Variants in NECTIN2 observed in about 807,000 individuals in gnomAD.
The protein encoded by NECTIN2 is nectin-2.
Under a neutral mutation model 56.9 loss-of-function variants are expected in NECTIN2, and 23 were observed. The observed-to-expected ratio is 0.40, with a 90% CI of 0.29 to 0.57. The LOEUF (loss-of-function observed/expected upper bound fraction) is 0.57. Among genes scored for constraint, NECTIN2 ranks in the 20% least tolerant of loss-of-function variants. The pLI is 0.38. For missense variants in NECTIN2, 587 were observed against 718.3 expected, an observed-to-expected ratio of 0.82 and a Z score of 2.09; for synonymous variants, 302 against 313.8, an observed-to-expected ratio of 0.96 and a Z score of 0.40.
chr19:44,886,829 C>T (rs1969366728), intron 8 of NECTIN2, among the ~76,000 whole-genome samples: 2 of 151,640 alleles, frequency 1.3e-5, no homozygotes, highest in African/African-American at 4.8e-5. Context: ...CCCCTTGAGC[C>T]TAGGAGCTCG....
In NECTIN2 at chr19:44,874,361, G is replaced by A; in HGVS notation, c.925G>A (p.Ala309Thr). ...TSGTFPTSAVAQGSQLVIHAV... is the reference protein window; with the variant it reads ...TSGTFPTSAVTQGSQLVIHAV... Reference sequence around the variant, plus strand: ...AGGCACCTTCCCGACCTCCGCAGTGGCCCAGGGCTCCCAGCTGGTCATCCA... The same window carrying A: ...AGGCACCTTCCCGACCTCCGCAGTGACCCAGGGCTCCCAGCTGGTCATCCA... Residue 309 changes from alanine (A) to threonine (T), a missense_variant, in exon 5 of 9, where the codon GCC (alanine) becomes ACC (threonine). Coordinates refer to ENST00000252483, the MANE Select transcript of NECTIN2 (RefSeq NM_001042724.2). This position sits in a 1 kb window ranked among gnomAD's most constrained non-coding sequence, Gnocchi z 6.3. 2 of 1,614,122 alleles carry A rather than the reference G, an allele frequency of 1.2e-6. No individual in the cohort carries two copies. Among genetic ancestry groups the A allele is most frequent in the South Asian group, 1.1e-5 (1 of 91,084 alleles).
rs1322585094 is a variant in NECTIN2, at chr19:44,875,510, C to T, written c.1042+1032C>T. The stretch of plus-strand genomic sequence containing the variant: ...CGAACTGCTGACCTCAGGTGATCCA[C>T]CCGCCTCGGCCTCACGAAGTGCTGG... On this transcript the variant is annotated intron_variant, in intron 5 of 8. Coordinates refer to ENST00000252483, the MANE Select transcript of NECTIN2 (RefSeq NM_001042724.2). The surrounding 1 kb of genome is among the most constrained non-coding windows in gnomAD (Gnocchi z 4.2). 1.3e-5 allele frequency among the ~76,000 whole-genome samples: 2 copies of T among 152,202 alleles called. No homozygotes were observed. Among genetic ancestry groups the T allele is most frequent in the African/African-American group, 2.4e-5 (1 of 41,444 alleles).
Position 44,865,350 on chromosome 19 carries a change from G to A in NECTIN2, c.168G>A (p.Leu56=), listed in dbSNP as rs762545238. The part of the protein sequence containing the change: ...LGGTVELPCH[L]LPPVPGLYIS... The stretch of plus-strand genomic sequence containing the variant: ...GCACCGTGGAGCTGCCGTGCCACCT[G>A]CTGCCACCTGTTCCTGGACTGTACA... The change falls in exon 2 of 9, where the codon CTG becomes CTA. Residue 56 remains leucine (L), a synonymous_variant. Coordinates refer to ENST00000252483, the MANE Select transcript of NECTIN2 (RefSeq NM_001042724.2). This position sits in a 1 kb window ranked among gnomAD's most constrained non-coding sequence, Gnocchi z 5.2. 6.8e-6 allele frequency: 11 copies of A among 1,614,124 alleles called. No homozygotes were observed. Among genetic ancestry groups the A allele is most frequent in the Non-Finnish European group, 9.3e-6 (11 of 1,180,018 alleles).
chr19:44,879,547 C>G (rs1474481791), intron 5 of NECTIN2, among the ~76,000 whole-genome samples: 1 of 152,096 alleles, frequency 6.6e-6, no homozygotes, highest in Non-Finnish European at 1.5e-5. Flanking sequence ...TCCTTGCCCC[C>G]AGGGATCACC....
chr19:44,876,001 G>A (rs1310465772), intron 5 of NECTIN2, among the ~76,000 whole-genome samples: 3 of 152,198 alleles, frequency 2.0e-5, no homozygotes, highest in South Asian at 4.1e-4. Context: ...GGCTGCACAC[G>A]GAGGAATGTC....
chr19:44,876,661 G>C (rs969955968), intron 5 of NECTIN2, among the ~76,000 whole-genome samples: 1 of 152,138 alleles, frequency 6.6e-6, no homozygotes, highest in African/African-American at 2.4e-5. Flanking sequence ...TCGTCACAGA[G>C]ACACAGTATG....
chr19:44,852,970 A>G (rs1454825830), intron 1 of NECTIN2, among the ~76,000 whole-genome samples: 2 of 152,130 alleles, frequency 1.3e-5, no homozygotes, highest in South Asian at 2.1e-4. Context: ...TAATTAGTCA[A>G]GTATGGTGGT....
chr19:44,848,987 G>A (rs1362478277), intron 1 of NECTIN2, among the ~76,000 whole-genome samples: 1 of 152,154 alleles, frequency 6.6e-6, no homozygotes, highest in Non-Finnish European at 1.5e-5. Flanking sequence ...TAGTGGAGGG[G>A]GAGGGGAGCA....
chr19:44,848,666 CCT>C (rs141171177), intron 1 of NECTIN2, among the ~76,000 whole-genome samples: 9 of 150,054 alleles, frequency 6.0e-5, no homozygotes, highest in Non-Finnish European at 8.9e-5. Flanking sequence ...GCTCGCTCTC[CCT>C]CTCTCTCTCT....
intron 6 of NECTIN2, among the ~76,000 whole-genome samples, chr19:44,882,690 C>CAAAAAA (rs35741405): frequency 1.8e-4 from 7 of 38,306 alleles, no homozygotes; most frequent in Admixed American, 3.9e-4. Flanking sequence ...CCCCCATCTA[C>CAAAAAA]AAAAAAAAAA....
intron 2 of NECTIN2, among the ~76,000 whole-genome samples, chr19:44,866,457 G>A (rs1474539538): frequency 6.6e-6 from 1 of 152,064 alleles, no homozygotes; most frequent in Non-Finnish European, 1.5e-5. Flanking sequence ...ATGGAAGTTG[G>A]AGAGGGCCAA....
chr19:44,872,797 TTTATTATTTA>T (rs1344327720), intron 3 of NECTIN2, among the ~76,000 whole-genome samples: 9 of 147,304 alleles, frequency 6.1e-5, no homozygotes, highest in East Asian at 3.9e-4. Flanking sequence ...GTATTTATTA[TTTATTATTTA>T]TTATTATATT....
chr19:44,871,583 C>A (rs1029602368), intron 2 of NECTIN2, among the ~76,000 whole-genome samples: 1 of 152,064 alleles, frequency 6.6e-6, no homozygotes, highest in South Asian at 2.1e-4. Flanking sequence ...GCAGTGCAGG[C>A]CAGACATTAC....
At chr19:44,883,384 C>CCAGCCT (rs981772388) in intron 6 of NECTIN2, among the ~76,000 whole-genome samples, 2 of 152,312 alleles carry the variant, frequency 1.3e-5, no homozygotes, top group Admixed American at 6.5e-5. Context: ...AAGCGATTCT[C>CCAGCCT]CAGCCTCAGC....
Position 44,874,750 on chromosome 19 carries a change from C to T in NECTIN2, c.1042+272C>T. ...AGAAAGTAGAGGCCTGGGTAGGGTC[C>T]TCACGAATAGACCCGAGGAAGCTGC... On this transcript the variant is annotated intron_variant, in intron 5 of 8. Transcript: ENST00000252483. The surrounding 1 kb of genome is among the most constrained non-coding windows in gnomAD (Gnocchi z 6.3). 1 of 428,256 alleles carries T rather than the reference C, an allele frequency of 2.3e-6. No homozygotes were observed. Among genetic ancestry groups the T allele is most frequent in the Non-Finnish European group, 4.3e-6 (1 of 229,968 alleles). The allele number at this position is 428,256 out of a possible 1,614,324, so 26.5% of individuals were successfully genotyped here.
At position 44,874,106 on chromosome 19, in the gene NECTIN2, G is replaced by A; in HGVS notation, c.893+73G>A. On this transcript the variant is annotated intron_variant, in intron 4 of 8. Transcript: ENST00000252483. This position sits in a 1 kb window ranked among gnomAD's most constrained non-coding sequence, Gnocchi z 6.3. ...GGGGCCTGGACTCCTGGATCTAAGG[G>A]AGGAGGGGCTGGGGGCCTGGACTCC... 7.4e-7 allele frequency: 1 copy of A among 1,347,172 alleles called. No homozygotes were observed. Among genetic ancestry groups the A allele is most frequent in the Non-Finnish European group, 1.0e-6 (1 of 968,648 alleles). 83.5% of individuals were successfully genotyped at this position (1,347,172 alleles called of 1,614,324 possible).
rs571919329 is a variant in NECTIN2 at position 44,885,951 on chromosome 19, C to T, written c.1211C>T (p.Pro404Leu). Residue 404 changes from proline to leucine, a missense_variant, in exon 7 of 9, where the codon CCC (proline) becomes CTC (leucine). Transcript: ENST00000252483. ...CTACCCCACAGCCTGGAGGGACCTC[C>T]CTCCTACAAGCCACCGACCCCAAAA... Reference protein sequence around the residue: ...AEEDEDLEGPPSYKPPTPKAK... With the variant: ...AEEDEDLEGPLSYKPPTPKAK... 529 of 1,593,296 alleles carry T rather than the reference C, an allele frequency of 3.3e-4. 9 individuals carry two copies. The South Asian group carries it at 5.5e-3, about 17-fold the overall frequency.
chr19:44,860,465 C>T (rs1037046271), intron 1 of NECTIN2, among the ~76,000 whole-genome samples: 1 of 151,974 alleles, frequency 6.6e-6, no homozygotes, highest in African/African-American at 2.4e-5. Context: ...GAGCAGAAAT[C>T]GCGCCATTGC....
At chr19:44,849,044 G>A (rs1968870851) in intron 1 of NECTIN2, among the ~76,000 whole-genome samples, 1 of 152,136 alleles carries the variant, frequency 6.6e-6, no homozygotes, top group Admixed American at 6.6e-5. Context: ...AAGGGGGACT[G>A]GGCAGAGGAG....
Sources: allele counts gnomAD v4.1 joint callset (sites outside exome capture counted in the v4.1 genomes callset), GRCh38; gene constraint gnomAD v4.1.1; non-coding constraint Gnocchi (gnomAD v3.1); transcripts MANE v1.5; gene names NCBI Gene and HGNC (gene_info 2026-07-23, HGNC 2026-07-21).